CTNNA2: variants seen among roughly 807,000 people sequenced by gnomAD.
The protein encoded by CTNNA2 is catenin alpha 2.
A neutral mutation model predicts 101.0 loss-of-function variants in CTNNA2; 42 were observed. The observed-to-expected ratio is 0.42, with a 90% confidence interval of 0.32 to 0.54. The LOEUF is 0.54. Among genes scored for constraint, CTNNA2 ranks in the 20% least tolerant of loss-of-function variants. The pLI is 0.14. For missense variants in CTNNA2, 871 were observed against 1,223.1 expected (o/e 0.71, Z 4.29); for synonymous variants, 450 against 456.4 (o/e 0.99, Z 0.18).
intron 7 of CTNNA2, among the ~76,000 whole-genome samples, chr2:80,321,410 G>T (rs1678670572): frequency 1.3e-5 from 2 of 152,190 alleles, no homozygotes; most frequent in South Asian, 4.1e-4. Flanking sequence ...AACACTCCCA[G>T]TACAGTGTAT....
chr2:79,893,481 G>A (rs1684449003), intron 6 of CTNNA2, among the ~76,000 whole-genome samples: 1 of 151,912 alleles, frequency 6.6e-6, no homozygotes, highest in South Asian at 2.1e-4. Context: ...TTAACAAAAT[G>A]TATGCTATAC....
intron 9 of CTNNA2, among the ~76,000 whole-genome samples, chr2:80,422,241 C>T (rs1054945583): frequency 1.5e-4 from 23 of 152,116 alleles, no homozygotes; most frequent in African/African-American, 4.1e-4. Flanking sequence ...GGGGAAGTCC[C>T]CTTTATAAAA....
intron 7 of CTNNA2, among the ~76,000 whole-genome samples, chr2:80,347,388 G>A (rs922752958): frequency 1.3e-5 from 2 of 151,770 alleles, no homozygotes; most frequent in African/African-American, 4.9e-5. Flanking sequence ...CAAGTGTAGA[G>A]ATTTCGAAGA....
chr2:79,220,824 T>C (rs146026216), intron 2 of CTNNA2, among the ~76,000 whole-genome samples: 1 of 152,336 alleles, frequency 6.6e-6, no homozygotes, highest in African/African-American at 2.4e-5. Flanking sequence ...ACCTGAGAGC[T>C]GTAGGAAAGA....
At chr2:80,007,480 T>G (rs1260587158) in intron 7 of CTNNA2, among the ~76,000 whole-genome samples, 1 of 152,178 alleles carries the variant, frequency 6.6e-6, no homozygotes, top group African/African-American at 2.4e-5. Context: ...AGAGACTGAC[T>G]TTCCTGTACT....
chr2:80,496,395 C>CT (rs34221173), intron 9 of CTNNA2, among the ~76,000 whole-genome samples: 1,858 of 131,702 alleles, frequency 0.014, 21 homozygotes, highest in Non-Finnish European at 0.021. Context: ...TCTTCACTGT[C>CT]TTTTTTTTTT....
chr2:79,239,440 TTACATCTTA>T (rs1482135594), intron 2 of CTNNA2, among the ~76,000 whole-genome samples: 3 of 152,074 alleles, frequency 2.0e-5, no homozygotes, highest in African/African-American at 7.2e-5. Context: ...GCCCTCTTTC[TTACATCTTA>T]TACAAAAATT....
intron 9 of CTNNA2, among the ~76,000 whole-genome samples, chr2:80,449,678 C>A (rs1039010339): frequency 1.3e-5 from 2 of 152,066 alleles, no homozygotes; most frequent in Admixed American, 1.3e-4. Flanking sequence ...TGGAATTATC[C>A]AGTGATCAAT....
intron 2 of CTNNA2, among the ~76,000 whole-genome samples, chr2:79,209,225 G>A (rs1323824290): frequency 2.0e-5 from 3 of 152,090 alleles, no homozygotes; most frequent in Admixed American, 6.5e-5. Context: ...AAAAAGCTCT[G>A]TTTCTATAGA....
chr2:80,442,324 C>A (rs374374238), intron 9 of CTNNA2, among the ~76,000 whole-genome samples: 1 of 152,134 alleles, frequency 6.6e-6, no homozygotes, highest in African/African-American at 2.4e-5. Flanking sequence ...AGCAATAGAC[C>A]AGTGTCTTCT....
chr2:79,863,855 C>G (rs566936570), intron 4 of CTNNA2, among the ~76,000 whole-genome samples: 63 of 152,154 alleles, frequency 4.1e-4, no homozygotes, highest in Middle Eastern at 3.4e-3. Context: ...AGAAATCTGC[C>G]CTTTGGATTG....
intron 4 of CTNNA2, among the ~76,000 whole-genome samples, chr2:79,412,306 A>T (rs1013684370): frequency 1.6e-4 from 25 of 152,138 alleles, no homozygotes; most frequent in South Asian, 8.3e-4. Flanking sequence ...GGAGACTTTA[A>T]CACCCCACTG....
At chr2:80,482,073 CTTAATTTAATTTAAT>C (rs58932753) in intron 9 of CTNNA2, among the ~76,000 whole-genome samples, 6 of 150,440 alleles carry the variant, frequency 4.0e-5, no homozygotes, top group South Asian at 4.3e-4. Flanking sequence ...TTCCCAAGGT[CTTAATTTAATTTAAT>C]TTAATTTAAT....
intron 9 of CTNNA2, among the ~76,000 whole-genome samples, chr2:80,479,903 C>T (rs898738569): frequency 2.0e-5 from 3 of 152,124 alleles, no homozygotes; most frequent in African/African-American, 7.2e-5. Flanking sequence ...ATTCTTTTGT[C>T]AACTTTGGAG....
At chr2:79,580,561 T>C (rs1238356369) in intron 1 of CTNNA2, among the ~76,000 whole-genome samples, 1 of 152,242 alleles carries the variant, frequency 6.6e-6, no homozygotes, top group Non-Finnish European at 1.5e-5. Flanking sequence ...TCTTCTGACC[T>C]AGAGAACTGT....
chr2:80,323,195 C>G (rs905074075), intron 7 of CTNNA2, among the ~76,000 whole-genome samples: 1 of 152,170 alleles, frequency 6.6e-6, no homozygotes, highest in Non-Finnish European at 1.5e-5. Context: ...CAGCACATAG[C>G]AGCCGCTGGC....
chr2:80,043,125 CCTTCCTTCCTTCCTTCCTTCCT>C (rs1696265243), intron 7 of CTNNA2, among the ~76,000 whole-genome samples: 12 of 27,504 alleles, frequency 4.4e-4, no homozygotes, highest in Non-Finnish European at 6.9e-4. Flanking sequence ...CTTTCTCCTT[CCTTCCTTCCTTCCTTCCTTCCT>C]TCCTTCCTTC....
chr2:79,479,721 A>G (rs1385294749), intron 4 of CTNNA2, among the ~76,000 whole-genome samples: 3 of 152,082 alleles, frequency 2.0e-5, no homozygotes, highest in African/African-American at 7.2e-5. Flanking sequence ...TCAGCAGTTC[A>G]AGACCAGCCT....
chr2:79,867,150 T>C (rs893702646), intron 4 of CTNNA2, among the ~76,000 whole-genome samples: 1 of 152,176 alleles, frequency 6.6e-6, no homozygotes, highest in Non-Finnish European at 1.5e-5. Flanking sequence ...GAGCAAGGTA[T>C]TTGTTTGGGC....
Sources: allele counts gnomAD v4.1 joint callset (sites outside exome capture counted in the v4.1 genomes callset), GRCh38; gene constraint gnomAD v4.1.1; transcripts MANE v1.5; gene names NCBI Gene and HGNC (gene_info 2026-07-23, HGNC 2026-07-21).